ST3GAL4: variants seen among roughly 807,000 people sequenced by gnomAD.
ST3GAL4 encodes CMP-N-acetylneuraminate-beta-galactosamide-alpha-2,3-sialyltransferase 4.
A neutral mutation model predicts 42.6 loss-of-function variants in ST3GAL4; 24 were observed. That is an observed-to-expected ratio of 0.56 (90% CI 0.41 to 0.79). ST3GAL4 has a LOEUF of 0.79. Ranked by LOEUF, ST3GAL4 falls within the 30% of genes least tolerant of loss-of-function variation. The probability of loss-of-function intolerance (pLI) is 0.00; values close to 1 mark genes in which losing one functional copy is unlikely to be tolerated. For synonymous variants in ST3GAL4, 135 were observed against 163.2 expected, an observed-to-expected ratio of 0.83 and a Z score of 1.32; for missense variants, 311 against 430.8, an observed-to-expected ratio of 0.72 and a Z score of 2.46.
Position 126,383,791 on chromosome 11 carries a change from T to C in ST3GAL4, c.-60-22305T>C, listed in dbSNP as rs566278550. ...CAGGCAGATTCACCAGAGGGGCTAC[T>C]GCGCAGAGCCTGGGCCCTGGACACC... On this transcript the variant is annotated intron_variant, in intron 1 of 10. Coordinates refer to ENST00000444328, the MANE Select transcript of ST3GAL4 (RefSeq NM_001254757.2). This position sits in a 1 kb window ranked among gnomAD's most constrained non-coding sequence, Gnocchi z 4.5. Among the ~76,000 whole-genome samples, 1 of 152,308 alleles carries C rather than the reference T, an allele frequency of 6.6e-6. No homozygotes were observed. The highest frequency in any genetic ancestry group is 6.5e-5 in the Admixed American group (1 of 15,306).
intron 1 of ST3GAL4, among the ~76,000 whole-genome samples, chr11:126,362,777 T>C (rs540114865): frequency 6.6e-6 from 1 of 152,350 alleles, no homozygotes; most frequent in African/African-American, 2.4e-5. Context: ...GGTAAGAGTA[T>C]CTGCCACGTC....
intron 1 of ST3GAL4, among the ~76,000 whole-genome samples, chr11:126,372,495 C>T (rs1318692521): frequency 6.6e-6 from 1 of 151,514 alleles, no homozygotes; most frequent in Non-Finnish European, 1.5e-5. Context: ...CAGCTCACCA[C>T]AACCTCTGCC....
chr11:126,394,077 A>T (rs35823964), intron 1 of ST3GAL4, among the ~76,000 whole-genome samples: 1 of 152,180 alleles, frequency 6.6e-6, no homozygotes, highest in Non-Finnish European at 1.5e-5. Context: ...GGGCTGGTGC[A>T]GTCCACCATT....
rs1953856692 is a variant in ST3GAL4, at chr11:126,398,238, C to A, written c.-60-7858C>A. ...TTCCAAAGTACAGTGATGGGACAGG[C>A]ATAGGACAGATATTCCATTCCAAAA... On this transcript the variant is annotated intron_variant, in intron 1 of 10. Coordinates refer to ENST00000444328, the MANE Select transcript of ST3GAL4 (RefSeq NM_001254757.2). The surrounding 1 kb of genome is among the most constrained non-coding windows in gnomAD (Gnocchi z 4.7). Among the ~76,000 whole-genome samples the A allele has an allele frequency of 6.6e-6, 1 of 152,200 alleles. No homozygotes were observed. The highest frequency in any genetic ancestry group is 6.5e-5 in the Admixed American group (1 of 15,280).
At position 126,409,263 on chromosome 11, in the gene ST3GAL4, C is replaced by T. The variant is rs1445391688; in HGVS notation, c.628-5C>T. 3 of 1,614,150 alleles carry T rather than the reference C, an allele frequency of 1.9e-6. No homozygotes were observed. Among genetic ancestry groups the T allele is most frequent in the African/African-American group, 2.7e-5 (2 of 75,056 alleles). ...TGTCTCTCTCTTCTGACCCCATCCT[C>T]CTAGGTGCGAAAGGGTTTCTGGAAA... On this transcript the variant is annotated splice_region_variant and splice_polypyrimidine_tract_variant and intron_variant, in intron 8 of 10. Coordinates refer to ENST00000444328, the MANE Select transcript of ST3GAL4 (RefSeq NM_001254757.2). The surrounding 1 kb of genome is among the most constrained non-coding windows in gnomAD (Gnocchi z 4.9).
At chr11:126,387,285 C>T (rs1953262322) in intron 1 of ST3GAL4, among the ~76,000 whole-genome samples, 1 of 152,188 alleles carries the variant, frequency 6.6e-6, no homozygotes, top group Non-Finnish European at 1.5e-5. Context: ...GATGGTTGGT[C>T]CAGAATTCAC....
rs1376693198 is a variant in ST3GAL4, at chr11:126,391,402, G to A, written c.-60-14694G>A. Among the ~76,000 whole-genome samples, 6 of 152,156 alleles carry A rather than the reference G, an allele frequency of 3.9e-5. No individual in the cohort carries two copies. The highest frequency in any genetic ancestry group is 7.3e-5 in the Non-Finnish European group (5 of 68,028). On this transcript the variant is annotated intron_variant, in intron 1 of 10. Transcript: ENST00000444328. This position sits in a 1 kb window ranked among gnomAD's most constrained non-coding sequence, Gnocchi z 5.5. ...GCCTGCTGAGTGGTGGAACAGTTCT[G>A]AAAAGGTCTGTTCTGGAGTGGGGGT...
At chr11:126,371,707 AT>A (rs1415310968) in intron 1 of ST3GAL4, among the ~76,000 whole-genome samples, 1 of 152,102 alleles carries the variant, frequency 6.6e-6, no homozygotes, top group Non-Finnish European at 1.5e-5. Flanking sequence ...AGTTGTTTCC[AT>A]TTTTTGCTAT....
chr11:126,358,535 C>T (rs1952149044), intron 1 of ST3GAL4: 1 of 450,250 alleles, frequency 2.2e-6, no homozygotes, highest in Non-Finnish European at 4.5e-6. Flanking sequence ...GTCCTTTATT[C>T]TACAGACTGA....
intron 1 of ST3GAL4, among the ~76,000 whole-genome samples, chr11:126,364,659 C>T (rs1477379256): frequency 2.0e-5 from 3 of 147,782 alleles, no homozygotes; most frequent in Non-Finnish European, 4.5e-5. Flanking sequence ...GCTTCCATTG[C>T]CTTCCCCCAG....
intron 1 of ST3GAL4, among the ~76,000 whole-genome samples, chr11:126,369,699 T>A (rs751411743): frequency 8.5e-5 from 13 of 152,244 alleles, no homozygotes; most frequent in Non-Finnish European, 1.6e-4. Flanking sequence ...TCTTCCTTTT[T>A]TTTATTTTAA....
rs1952717613 is a variant in ST3GAL4 at position 126,373,152 on chromosome 11, TTCTGGAGAGGGGGTGCTGC to T, written c.-61+17321_-61+17339del. On this transcript the variant is annotated intron_variant, in intron 1 of 10. Coordinates refer to ENST00000444328, the MANE Select transcript of ST3GAL4 (RefSeq NM_001254757.2). The surrounding 1 kb of genome is among the most constrained non-coding windows in gnomAD (Gnocchi z 5.5). ...AGTGGAGGAACTTTGAAAGGGTCTG[TTCTGGAGAGGGGGTGCTGC>T]TCTGGAGAGGCGGTGCTGCTTTGGA... 6.6e-6 allele frequency among the ~76,000 whole-genome samples: 1 copy of T among 152,216 alleles called. No homozygotes were observed. The highest frequency in any genetic ancestry group is 1.5e-5 in the Non-Finnish European group (1 of 68,032).
chr11:126,390,693 ATT>A (rs1184099782), intron 1 of ST3GAL4, among the ~76,000 whole-genome samples: 2 of 138,270 alleles, frequency 1.4e-5, no homozygotes, highest in Non-Finnish European at 1.5e-5. Context: ...ACGAGGTTGT[ATT>A]TACCATCTTA....
intron 1 of ST3GAL4, among the ~76,000 whole-genome samples, chr11:126,370,802 G>A (rs933087546): frequency 6.6e-6 from 1 of 151,468 alleles, no homozygotes; most frequent in Non-Finnish European, 1.5e-5. Context: ...TCAGCCTCCC[G>A]ATTTGCTGGG....
At position 126,386,526 on chromosome 11, in the gene ST3GAL4, G is replaced by A. The variant is rs1268592583; in HGVS notation, c.-60-19570G>A. Among the ~76,000 whole-genome samples the A allele has an allele frequency of 6.6e-6, 1 of 152,128 alleles. No homozygotes were observed. The highest frequency in any genetic ancestry group is 1.5e-5 in the Non-Finnish European group (1 of 68,032). On this transcript the variant is annotated intron_variant, in intron 1 of 10. Transcript: ENST00000444328. The surrounding 1 kb of genome is among the most constrained non-coding windows in gnomAD (Gnocchi z 4.7). The stretch of plus-strand genomic sequence containing the variant: ...AGGGAAGGAGTGATGTGACCTCTGT[G>A]GCTCTCCTGGGACACAGGTTAGTCC...
At chr11:126,369,104 T>C (rs1952540579) in intron 1 of ST3GAL4, among the ~76,000 whole-genome samples, 1 of 152,180 alleles carries the variant, frequency 6.6e-6, no homozygotes, top group African/African-American at 2.4e-5. Flanking sequence ...GGAGGGCAAG[T>C]AGGGCTAGTC....
Position 126,410,461 on chromosome 11 carries a change from C to T in ST3GAL4, c.771+1050C>T, listed in dbSNP as rs1954475508. Among the ~76,000 whole-genome samples, 1 of 152,158 alleles carries T rather than the reference C, an allele frequency of 6.6e-6. No homozygotes were observed. The highest frequency in any genetic ancestry group is 2.4e-5 in the African/African-American group (1 of 41,440). ...TGTGTGGGGCTTGGCAGGTCAACTGCTCAGATCCTTGTTTTTCTTGCCTGT... is the reference window on the plus strand; with the variant it reads ...TGTGTGGGGCTTGGCAGGTCAACTGTTCAGATCCTTGTTTTTCTTGCCTGT... On this transcript the variant is annotated intron_variant, in intron 9 of 10. Transcript: ENST00000444328. The surrounding 1 kb of genome is among the most constrained non-coding windows in gnomAD (Gnocchi z 5.3).
intron 1 of ST3GAL4, among the ~76,000 whole-genome samples, chr11:126,372,570 C>A (rs1259608816): frequency 6.6e-6 from 1 of 152,004 alleles, no homozygotes; most frequent in Non-Finnish European, 1.5e-5. Flanking sequence ...GCATGCACCA[C>A]CACACCCGGC....
chr11:126,398,755 ACT>A lies in ST3GAL4; in HGVS notation c.-60-7338_-60-7337del, dbSNP rs1953882412. On this transcript the variant is annotated intron_variant, in intron 1 of 10. Coordinates refer to ENST00000444328, the MANE Select transcript of ST3GAL4 (RefSeq NM_001254757.2). The surrounding 1 kb of genome is among the most constrained non-coding windows in gnomAD (Gnocchi z 4.7). Reference sequence around the variant, plus strand: ...CAGGCCCATAGCCCCTGCATTCTGTACTCTGGTGGCATTAGGACCATGTGGGA... The same window carrying A: ...CAGGCCCATAGCCCCTGCATTCTGTACTGGTGGCATTAGGACCATGTGGGA... Among the ~76,000 whole-genome samples the A allele has an allele frequency of 6.6e-6, 1 of 152,000 alleles. No individual in the cohort carries two copies. The highest frequency in any genetic ancestry group is 2.4e-5 in the African/African-American group (1 of 41,374).
Sources: allele counts gnomAD v4.1 joint callset (sites outside exome capture counted in the v4.1 genomes callset), GRCh38; gene constraint gnomAD v4.1.1; non-coding constraint Gnocchi (gnomAD v3.1); transcripts MANE v1.5; gene names NCBI Gene and HGNC (gene_info 2026-07-23, HGNC 2026-07-21).